Variants in CFAP210 observed in about 807,000 individuals in gnomAD.
CFAP210 encodes cilia- and flagella- associated protein 210.
chr2:169,648,572 C>A, the CFAP210 span, among the ~76,000 whole-genome samples: 1 of 152,032 alleles, frequency 6.6e-6, no homozygotes, highest in Non-Finnish European at 1.5e-5. Context: ...ATGCAGATGG[C>A]TAGCAAGGAT....
chr2:169,646,043 G>A, the CFAP210 span: 1 of 1,613,242 alleles, frequency 6.2e-7, no homozygotes, highest in Admixed American at 1.7e-5. Context: ...ATATTTATTT[G>A]TTGTTTCCGA....
At chr2:169,652,977 G>A in the CFAP210 span, among the ~76,000 whole-genome samples, 2 of 106,194 alleles carry the variant, frequency 1.9e-5, no homozygotes, top group Admixed American at 1.3e-4. Context: ...TCCAGCCTGG[G>A]CGACAGAGCA....
At chr2:169,645,622 G>A in the CFAP210 span, 3 of 496,314 alleles carry the variant, frequency 6.0e-6, no homozygotes, top group South Asian at 2.7e-5. Context: ...ACCACTGAAT[G>A]TACATTTAAA....
the CFAP210 span, among the ~76,000 whole-genome samples, chr2:169,680,060 A>G: frequency 6.6e-6 from 1 of 152,210 alleles, no homozygotes; most frequent in Non-Finnish European, 1.5e-5. Flanking sequence ...AAAATTATCT[A>G]AGCTCAATGA....
At chr2:169,677,710 T>C in the CFAP210 span, among the ~76,000 whole-genome samples, 2 of 152,146 alleles carry the variant, frequency 1.3e-5, no homozygotes, top group African/African-American at 4.8e-5. Context: ...TTGGAGCTTC[T>C]AGCAAGTGCA....
At chr2:169,654,207 A>G in the CFAP210 span, 1 of 1,577,486 alleles carries the variant, frequency 6.3e-7, no homozygotes, top group Non-Finnish European at 8.6e-7. Context: ...TTTATCCTGC[A>G]TATGTTCCTT....
the CFAP210 span, chr2:169,674,950 A>G: frequency 7.8e-6 from 12 of 1,543,422 alleles, no homozygotes; most frequent in South Asian, 6.2e-5. Flanking sequence ...CCTTGTTTGT[A>G]TATTTCTTCT....
chr2:169,648,889 A>C, the CFAP210 span, among the ~76,000 whole-genome samples: 1 of 152,212 alleles, frequency 6.6e-6, no homozygotes, highest in African/African-American at 2.4e-5. Context: ...ATGGGAAAAA[A>C]GTAAAACAAG....
chr2:169,669,843 T>C, the CFAP210 span, among the ~76,000 whole-genome samples: 1 of 151,740 alleles, frequency 6.6e-6, no homozygotes, highest in African/African-American at 2.4e-5. Context: ...CATTTTAAGT[T>C]TGAGATACTA....
the CFAP210 span, chr2:169,658,151 TCA>T: frequency 6.6e-6 from 1 of 152,136 alleles, no homozygotes; most frequent in Non-Finnish European, 1.5e-5. Flanking sequence ...TATGCACACA[TCA>T]CAGTTTTTAA....
chr2:169,667,142 C>CTTTTTTT, the CFAP210 span, among the ~76,000 whole-genome samples: 1 of 58,052 alleles, frequency 1.7e-5, no homozygotes, highest in Non-Finnish European at 4.2e-5. Context: ...TTTCTTTTTT[C>CTTTTTTT]TTTTTTTTTT....
At chr2:169,694,351 G>C in the CFAP210 span, 1 of 1,611,982 alleles carries the variant, frequency 6.2e-7, no homozygotes, top group Non-Finnish European at 8.5e-7. Flanking sequence ...CTGGAAAAGT[G>C]ACTGTGGCGC....
the CFAP210 span, among the ~76,000 whole-genome samples, chr2:169,670,594 G>A: frequency 6.6e-6 from 1 of 152,200 alleles, no homozygotes; most frequent in East Asian, 1.9e-4. Context: ...CAAGATGTCA[G>A]TTGAAGCAGT....
chr2:169,650,376 T>C, the CFAP210 span: 1 of 1,603,752 alleles, frequency 6.2e-7, no homozygotes, highest in Non-Finnish European at 8.5e-7. Context: ...GCTTTGTTTT[T>C]TTCATCTTTT....
At chr2:169,681,044 G>A in the CFAP210 span, 1 of 1,613,902 alleles carries the variant, frequency 6.2e-7, no homozygotes, top group Non-Finnish European at 8.5e-7. Context: ...CACTTCTTGA[G>A]ATCGCAAATG....
the CFAP210 span, chr2:169,649,417 A>T: frequency 7.2e-7 from 1 of 1,380,450 alleles, no homozygotes; most frequent in Admixed American, 2.0e-5. Context: ...AAAGGCACAG[A>T]GTCAGAGAGT....
the CFAP210 span, among the ~76,000 whole-genome samples, chr2:169,692,481 CCA>C: frequency 4.8e-5 from 7 of 145,056 alleles, no homozygotes; most frequent in African/African-American, 1.9e-4. Flanking sequence ...CACACACACA[CCA>C]CACAGAGACA....
chr2:169,679,723 A>C, the CFAP210 span, among the ~76,000 whole-genome samples: 5 of 147,954 alleles, frequency 3.4e-5, no homozygotes, highest in Admixed American at 3.4e-4. Context: ...GTCTACTGTT[A>C]CCTTCTTTGT....
chr2:169,693,353 G>C, the CFAP210 span, among the ~76,000 whole-genome samples: 1 of 152,212 alleles, frequency 6.6e-6, no homozygotes, highest in East Asian at 1.9e-4. Context: ...GAATGTGTGG[G>C]ACTAATTGTG....
Sources: allele counts gnomAD v4.1 joint callset (sites outside exome capture counted in the v4.1 genomes callset), GRCh38; gene constraint gnomAD v4.1.1; transcripts MANE v1.5; gene names NCBI Gene and HGNC (gene_info 2026-07-23, HGNC 2026-07-21).